Variants in STK11IP observed in about 807,000 individuals in gnomAD.
The protein encoded by STK11IP is serine/threonine kinase 11 interacting protein.
STK11IP carries 103 observed loss-of-function variants against 131.7 expected under a neutral mutation model. The observed-to-expected ratio is 0.78, with a 90% CI of 0.67 to 0.92. The LOEUF is 0.92. Ranked by LOEUF, STK11IP falls within the 40% of genes least tolerant of loss-of-function variation. STK11IP has a pLI of 0.00. For synonymous variants in STK11IP, 557 were observed against 575.6 expected, an observed-to-expected ratio of 0.97 and a Z score of 0.46; for missense variants, 1,315 against 1,385.7, an observed-to-expected ratio of 0.95 and a Z score of 0.81.
Position 219,601,300 on chromosome 2 carries a change from C to T in STK11IP, c.127C>T (p.His43Tyr). ...LLTPTLQQLN[H>Y]VFELHLGPWG... ...GACTCCCACACTGCAACAGCTGAAC[C>T]ACGTATTTGAGCTGCACCTGGGGCC... Residue 43 changes from histidine (H) to tyrosine (Y), a missense_variant, in exon 3 of 25, where the codon CAC becomes TAC. By Grantham distance (83) the His-to-Tyr change is moderately conservative (BLOSUM62 2). Coordinates refer to ENST00000456909, the MANE Select transcript of STK11IP (RefSeq NM_052902.4). 1 of 1,614,050 alleles carries T rather than the reference C, an allele frequency of 6.2e-7. No individual in the cohort carries two copies. The highest frequency in any genetic ancestry group is 8.5e-7 in the Non-Finnish European group (1 of 1,179,900).
At position 219,609,423 on chromosome 2, in the gene STK11IP, A is replaced by G; in HGVS notation, c.1987A>G (p.Arg663Gly). The G allele has an allele frequency of 6.2e-7, 1 of 1,613,190 alleles. No homozygotes were observed. Among genetic ancestry groups the G allele is most frequent in the South Asian group, 1.1e-5 (1 of 90,842 alleles). The change falls in exon 17 of 25, where the codon AGG becomes GGG. Residue 663 changes from arginine (R) to glycine (G), a missense_variant. Physicochemically the swap from Arg to Gly is moderately radical, Grantham distance 125. Coordinates refer to ENST00000456909, the MANE Select transcript of STK11IP (RefSeq NM_052902.4). ...NVAREQLGEA[R>G]DLLLGRFQCL... Reference sequence around the variant, plus strand: ...GGCTCGGGAACAGCTTGGGGAGGCCAGGGACCTCCTGCTGGGTAGATTCCA... The same window carrying G: ...GGCTCGGGAACAGCTTGGGGAGGCCGGGGACCTCCTGCTGGGTAGATTCCA...
intron 2 of STK11IP, among the ~76,000 whole-genome samples, chr2:219,599,289 A>G (rs573248092): frequency 1.3e-5 from 2 of 152,214 alleles, no homozygotes; most frequent in South Asian, 2.1e-4. Flanking sequence ...GGGTTTCACC[A>G]TGTTGGCCAG....
At position 219,612,975 on chromosome 2, in the gene STK11IP, G is replaced by T; in HGVS notation, c.2440-153G>T. The T allele has an allele frequency of 4.9e-6, 3 of 614,952 alleles. 1 individual carries two copies. Among genetic ancestry groups the T allele is most frequent in the Non-Finnish European group, 8.9e-6 (3 of 338,174 alleles). 38.1% of individuals were successfully genotyped at this position (614,952 alleles called of 1,614,324 possible). ...AAGGCAGAGAGCGGTGGTGGATGAA[G>T]AGGCTGTCGAGTGTGAGGGAAGCTC... is the stretch of plus-strand genomic sequence containing the variant. On this transcript the variant is annotated intron_variant, in intron 19 of 24. Transcript: ENST00000456909.
At position 219,608,634 on chromosome 2, in the gene STK11IP, T is replaced by A; in HGVS notation, c.1655T>A (p.Val552Glu). The A allele has an allele frequency of 1.2e-6, 2 of 1,612,800 alleles. No homozygotes were observed. Among genetic ancestry groups the A allele is most frequent in the Non-Finnish European group, 1.7e-6 (2 of 1,179,354 alleles). ...TGTCCCCTGGAGGGGCCTGAGGGCG[T>A]ACGGGGCAGGGAATGCTTTCTCAGG... is the stretch of plus-strand genomic sequence containing the variant. ...LVCPLEGPEG[V>E]RGRECFLRVT... is the part of the protein sequence containing the mutation. The change falls in exon 15 of 25, where the codon GTA (valine) becomes GAA (glutamate). Residue 552 changes from valine (V) to glutamate (E), a missense_variant. Physicochemically the swap from Val to Glu is moderately radical, Grantham distance 121. Transcript: ENST00000456909.
Position 219,606,732 on chromosome 2 carries a change from C to T in STK11IP, c.1008C>T (p.Leu336=), listed in dbSNP as rs1265241814. 3.7e-6 allele frequency: 6 copies of T among 1,612,090 alleles called. No homozygotes were observed. The highest frequency in any genetic ancestry group is 2.7e-5 in the African/African-American group (2 of 74,892). Residue 336 remains leucine, a synonymous_variant, in exon 12 of 25, where the codon CTC becomes CTT. Transcript: ENST00000456909. The stretch of plus-strand genomic sequence containing the variant: ...GCCAGACTCACACATCCTTGGGGCT[C>T]AGCCCCATGGGCCCACCTTTGCCCT... ...TDFQTHTSLG[L]SPMGPPLPWP... is the part of the protein sequence containing the mutation.
Position 219,609,213 on chromosome 2 carries a change from G to C in STK11IP, c.1926G>C (p.Gln642His). 6.3e-7 allele frequency: 1 copy of C among 1,597,184 alleles called. No homozygotes were observed. The highest frequency in any genetic ancestry group is 1.1e-5 in the South Asian group (1 of 88,392). The change falls in exon 16 of 25, where the codon CAG becomes CAC. Residue 642 changes from glutamine (Q) to histidine (H), a missense_variant and splice_region_variant. By Grantham distance (24) the Gln-to-His change is conservative. Transcript: ENST00000456909. The stretch of plus-strand genomic sequence containing the variant: ...AGCCTGATGCCCACGCAGCTGTCCA[G>C]GTGATGGCGCCCAGAGTGGGGGCCC... The part of the protein sequence containing the change: ...VLEPDAHAAV[Q>H]ELLAVLTPVT...
Position 219,616,241 on chromosome 2 carries a change from C to T in STK11IP, c.*48C>T, listed in dbSNP as rs1414635430. ...CTGACCTCAGGAGCCACGCTGTAGA[C>T]ATTCCCTCTCCTGGTCTCTGGGTCT... On this transcript the variant is annotated 3_prime_UTR_variant, in exon 25 of 25. Transcript: ENST00000456909. The T allele has an allele frequency of 5.1e-6, 8 of 1,576,250 alleles. No individual in the cohort carries two copies. In the African/African-American group the frequency reaches 9.4e-5, roughly 19 times the overall value.
intron 11 of STK11IP, 58 bp from the exon 12 acceptor site, chr2:219,606,654 C>G: frequency 6.3e-7 from 1 of 1,594,382 alleles, no homozygotes; most frequent in South Asian, 1.1e-5. Context: ...CTGGCTTGGG[C>G]AAGGCAGAGG....
chr2:219,601,228 T>C lies in STK11IP; in HGVS notation c.62-7T>C, dbSNP rs1697971824. The C allele has an allele frequency of 6.2e-7, 1 of 1,604,760 alleles. No individual in the cohort carries two copies. The highest frequency in any genetic ancestry group is 8.5e-7 in the Non-Finnish European group (1 of 1,173,488). On this transcript the variant is annotated splice_polypyrimidine_tract_variant and splice_region_variant and intron_variant, in intron 2 of 24. Transcript: ENST00000456909. Reference sequence around the variant, plus strand: ...GTCTTCCCTCCTGTTTGCCCCTTTTTCTGCAGGGGATGTGGTCCTGTCTGG... The same window carrying C: ...GTCTTCCCTCCTGTTTGCCCCTTTTCCTGCAGGGGATGTGGTCCTGTCTGG...
At position 219,609,448 on chromosome 2, in the gene STK11IP, A is replaced by T. The variant is rs1698319204; in HGVS notation, c.2012A>T (p.Gln671Leu). 3.7e-6 allele frequency: 6 copies of T among 1,611,968 alleles called. No individual in the cohort carries two copies. The East Asian group carries it at 1.3e-4, about 36-fold the overall frequency. ...AGGGACCTCCTGCTGGGTAGATTCC[A>T]GTGTCTACGCTGTGGCCATGAGTTC... ...EARDLLLGRF[Q>L]CLRCGHEFKP... The change falls in exon 17 of 25, where the codon CAG becomes CTG. Residue 671 changes from glutamine (Q) to leucine (L), a missense_variant. Gln to Leu is a moderately radical substitution (Grantham distance 113). Transcript: ENST00000456909.
At chr2:219,605,063 C>G (rs956316811) in intron 7 of STK11IP, among the ~76,000 whole-genome samples, 3 of 152,168 alleles carry the variant, frequency 2.0e-5, no homozygotes, top group African/African-American at 7.2e-5. Context: ...CTCCTGGCCT[C>G]AAGTGATCCC....
At chr2:219,608,861 C>A in intron 15 of STK11IP, 73 bp downstream of exon 15, 1 of 1,432,042 alleles carries the variant, frequency 7.0e-7, no homozygotes, top group Non-Finnish European at 9.3e-7. Flanking sequence ...CTGCACTGGG[C>A]TGGGCATTTC....
chr2:219,615,573 ATTTAGCT>A, intron 24 of STK11IP: 1 of 667,446 alleles, frequency 1.5e-6, no homozygotes, highest in South Asian at 1.8e-5. Flanking sequence ...GAGCCCAGCC[ATTTAGCT>A]GGGCCACGAG....
chr2:219,611,565 G>T (rs115415957), intron 17 of STK11IP, 39 bp from the exon 18 acceptor site: 53 of 1,496,424 alleles, frequency 3.5e-5, no homozygotes, highest in East Asian at 2.7e-4. Context: ...GTGGCACTGT[G>T]GGGGGGGCTC....
intron 19 of STK11IP, 64 bp from the exon 20 acceptor site, chr2:219,613,064 T>C: frequency 7.2e-7 from 1 of 1,394,688 alleles, no homozygotes; most frequent in Non-Finnish European, 1.0e-6. Flanking sequence ...GAACTCGGCT[T>C]TCAGTCTGGC....
In STK11IP at chr2:219,611,824, C is replaced by T. The variant is rs560872875; in HGVS notation, c.2325C>T (p.Ser775=). ...APSTRDHGSW[S]LSPPPERCGL... The stretch of plus-strand genomic sequence containing the variant: ...GCACCCGTGACCATGGTAGTTGGAG[C>T]CTCAGTCCCCGTGAGTATAGGCAAA... Residue 775 remains serine (S), a synonymous_variant, in exon 18 of 25, where the codon AGC becomes AGT. Transcript: ENST00000456909. 2.5e-5 allele frequency: 40 copies of T among 1,612,044 alleles called. No individual in the cohort carries two copies. In the African/African-American group the frequency reaches 3.6e-4, roughly 15 times the overall value.
rs200019076 is a variant in STK11IP at position 219,608,091 on chromosome 2, T to G, written c.1264T>G (p.Phe422Val). 1,289 of 1,612,728 alleles carry G rather than the reference T, an allele frequency of 8.0e-4. No individual in the cohort carries two copies. The highest frequency in any genetic ancestry group is 1.1e-3 in the Non-Finnish European group (1,243 of 1,179,896). ...CCCGGAGCTGGAGCTCATGAGCAGC[T>G]TCCGGGAACGGTTCGGCCGCAACTG... ...QHPELELMSS[F>V]RERFGRNWLQ... Residue 422 changes from phenylalanine to valine, a missense_variant, in exon 14 of 25, where the codon TTC becomes GTC. Transcript: ENST00000456909.
At chr2:219,606,452 C>G (rs781518898) in intron 10 of STK11IP, 24 bp from the exon 11 acceptor site, 6 of 1,607,842 alleles carry the variant, frequency 3.7e-6, no homozygotes, top group Non-Finnish European at 5.1e-6. Flanking sequence ...CACATACTCC[C>G]TCCCCCTTTT....
intron 5 of STK11IP, 35 bp downstream of exon 5, chr2:219,602,118 A>C: frequency 6.9e-7 from 1 of 1,456,498 alleles, no homozygotes; most frequent in Middle Eastern, 1.7e-4. Flanking sequence ...AGACACCTCA[A>C]CTTGAGAGAT....
Sources: gnomAD v4.1 joint callset for allele counts (sites outside exome capture counted in the v4.1 genomes callset) on GRCh38, gnomAD v4.1.1 for gene constraint, MANE v1.5 for transcripts, NCBI Gene and HGNC (gene_info 2026-07-23, HGNC 2026-07-21) for gene names.